Variants in ENPP1 observed in about 807,000 individuals in gnomAD.
The protein encoded by ENPP1 is ectonucleotide pyrophosphatase/phosphodiesterase 1, also known as ectonucleotide pyrophosphatase/phosphodiesterase family member 1.
A neutral mutation model predicts 122.8 loss-of-function variants in ENPP1; 73 were observed. That is an observed-to-expected ratio of 0.59 (90% CI 0.49 to 0.72). The LOEUF (loss-of-function observed/expected upper bound fraction) is 0.72, where lower values mean the gene tolerates loss of function less well. Among genes scored for constraint, ENPP1 ranks in the 30% least tolerant of loss-of-function variants. The pLI, the probability that ENPP1 is intolerant of heterozygous loss-of-function variation, is 0.00. For missense variants in ENPP1, 978 were observed against 1,128.1 expected (o/e 0.87, Z 1.91); for synonymous variants, 367 against 391.6 (o/e 0.94, Z 0.74).
At chr6:131,876,478 TA>T (rs1394003199) in intron 17 of ENPP1, among the ~76,000 whole-genome samples, 3 of 152,202 alleles carry the variant, frequency 2.0e-5, no homozygotes, top group East Asian at 1.9e-4. Context: ...TAATGTATCC[TA>T]AAATACTTAA....
chr6:131,870,954 C>T (rs67025760), intron 13 of ENPP1, among the ~76,000 whole-genome samples: 5,366 of 152,088 alleles, frequency 0.035, 130 homozygotes, highest in African/African-American at 0.055. Flanking sequence ...CATGTGCCTG[C>T]AATCTCAGCT....
chr6:131,873,093 T>C (rs756833875), intron 15 of ENPP1, 43 bp downstream of exon 15: 1 of 1,610,818 alleles, frequency 6.2e-7, no homozygotes, highest in East Asian at 2.2e-5. Context: ...TCTGATCGGT[T>C]AGTGATTCAG....
chr6:131,850,109 A>G lies in ENPP1; in HGVS notation c.430+3A>G, dbSNP rs1228035722. 12 of 1,580,912 alleles carry G rather than the reference A, an allele frequency of 7.6e-6. No individual in the cohort carries two copies. The highest frequency in any genetic ancestry group is 1.1e-5 in the South Asian group (1 of 90,376). ...CCAGGAGACGTGCATAGAACCAGGTAAGGATGAGCAGGGAAAAAAGTGGAG... is the reference window on the plus strand; with the variant it reads ...CCAGGAGACGTGCATAGAACCAGGTGAGGATGAGCAGGGAAAAAAGTGGAG... On this transcript the variant is annotated splice_donor_region_variant and intron_variant, in intron 3 of 24. Transcript: ENST00000647893.
At chr6:131,851,655 A>G (rs111664596) in intron 4 of ENPP1, among the ~76,000 whole-genome samples, 5 of 152,314 alleles carry the variant, frequency 3.3e-5, no homozygotes, top group African/African-American at 1.2e-4. Context: ...CTCCTAGTAA[A>G]TGGGGACACT....
Position 131,878,522 on chromosome 6 carries a change from A to G in ENPP1, c.1894-20A>G. 6.4e-7 allele frequency: 1 copy of G among 1,550,692 alleles called. No individual in the cohort carries two copies. Among genetic ancestry groups the G allele is most frequent in the Non-Finnish European group, 8.9e-7 (1 of 1,122,962 alleles). On this transcript the variant is annotated intron_variant, in intron 18 of 24. Transcript: ENST00000647893. Reference sequence around the variant, plus strand: ...AACATGTCTCTCAGTCCTTAAAAATAGTTTTATAACCTTTTTTAGATTTTG... The same window carrying G: ...AACATGTCTCTCAGTCCTTAAAAATGGTTTTATAACCTTTTTTAGATTTTG...
intron 20 of ENPP1, 83 bp downstream of exon 20, chr6:131,880,117 C>T: frequency 2.2e-6 from 3 of 1,386,732 alleles, no homozygotes; most frequent in Non-Finnish European, 3.1e-6. Context: ...TCTCACTGTT[C>T]ACCTTGGCTT....
chr6:131,868,977 C>T (rs1782123406), intron 12 of ENPP1, among the ~76,000 whole-genome samples: 2 of 152,054 alleles, frequency 1.3e-5, no homozygotes, highest in African/African-American at 4.8e-5. Flanking sequence ...AAGTTACATG[C>T]AAAGAAGTAC....
Position 131,884,968 on chromosome 6 carries a change from G to A in ENPP1, c.2349G>A (p.Lys783=), listed in dbSNP as rs1782357270. 1 of 1,613,974 alleles carries A rather than the reference G, an allele frequency of 6.2e-7. No individual in the cohort carries two copies. The highest frequency in any genetic ancestry group is 1.7e-5 in the Admixed American group (1 of 60,006). ...ACTTTCATGACACCCTACTGCGAAA[G>A]TATGCTGAAGAAAGAAATGGTGTCA... ...WRYFHDTLLR[K]YAEERNGVNV... Residue 783 remains lysine (K), a synonymous_variant, in exon 23 of 25, where the codon AAG becomes AAA. Coordinates refer to ENST00000647893, the MANE Select transcript of ENPP1 (RefSeq NM_006208.3).
chr6:131,870,753 A>T (rs1157802262), intron 13 of ENPP1, among the ~76,000 whole-genome samples: 1 of 152,218 alleles, frequency 6.6e-6, no homozygotes, highest in Non-Finnish European at 1.5e-5. Flanking sequence ...GAAAAGTAGT[A>T]CATGACTGTT....
rs557181058 is a variant in ENPP1 at position 131,881,677 on chromosome 6, T to A, written c.2101-668T>A. 2.1e-4 allele frequency among the ~76,000 whole-genome samples: 32 copies of A among 151,826 alleles called. 1 individual carries two copies. In the East Asian group the frequency reaches 4.8e-3, roughly 23 times the overall value. On this transcript the variant is annotated intron_variant, in intron 20 of 24. Transcript: ENST00000647893. ...GGAGGGCAGATCACGAGGTCAGGAGTTCGAGACCATCCTGGCTAACATGGT... is the reference window on the plus strand; with the variant it reads ...GGAGGGCAGATCACGAGGTCAGGAGATCGAGACCATCCTGGCTAACATGGT...
At chr6:131,837,926 T>G (rs1781697435) in intron 1 of ENPP1, among the ~76,000 whole-genome samples, 1 of 152,180 alleles carries the variant, frequency 6.6e-6, no homozygotes, top group Admixed American at 6.5e-5. Flanking sequence ...AAATTTTATT[T>G]TTTTACTTTC....
chr6:131,851,352 G>C lies in ENPP1; in HGVS notation c.556+85G>C, dbSNP rs1026190656. On this transcript the variant is annotated intron_variant, in intron 4 of 24. Transcript: ENST00000647893. ...TACATAGGTGTTATCTTTTATATTAGGAGTCATGGCTATTGGCCAACTATA... is the reference window on the plus strand; with the variant it reads ...TACATAGGTGTTATCTTTTATATTACGAGTCATGGCTATTGGCCAACTATA... The C allele has an allele frequency of 4.5e-6, 7 of 1,570,986 alleles. No individual in the cohort carries two copies. In the Admixed American group the frequency reaches 1.2e-4, roughly 26 times the overall value.
At position 131,875,893 on chromosome 6, in the gene ENPP1, T is replaced by C. The variant is rs770443766; in HGVS notation, c.1723+30T>C. On this transcript the variant is annotated intron_variant, in intron 17 of 24. Coordinates refer to ENST00000647893, the MANE Select transcript of ENPP1 (RefSeq NM_006208.3). ...GTGTGAACAGGTGCCTTTTTTCCCTTCTGAAAATAGACCTGAAATAGGATT... is the reference window on the plus strand; with the variant it reads ...GTGTGAACAGGTGCCTTTTTTCCCTCCTGAAAATAGACCTGAAATAGGATT... 3.9e-6 allele frequency: 6 copies of C among 1,536,232 alleles called. No homozygotes were observed. The Admixed American group carries it at 1.0e-4, about 26-fold the overall frequency.
chr6:131,810,086 CG>C (rs1197429801), intron 1 of ENPP1, among the ~76,000 whole-genome samples: 9 of 152,190 alleles, frequency 5.9e-5, no homozygotes, highest in African/African-American at 2.2e-4. Flanking sequence ...AGACCTGGTG[CG>C]GTGACTCATA....
chr6:131,880,202 C>T (rs1324611123), intron 20 of ENPP1, among the ~76,000 whole-genome samples, 168 bp downstream of exon 20: 1 of 152,184 alleles, frequency 6.6e-6, no homozygotes, highest in East Asian at 1.9e-4. Flanking sequence ...AGCTCTGCCA[C>T]TGAGCAGCTG....
At chr6:131,846,621 A>G (rs1562518578) in intron 1 of ENPP1, among the ~76,000 whole-genome samples, 1 of 152,194 alleles carries the variant, frequency 6.6e-6, no homozygotes, top group Non-Finnish European at 1.5e-5. Flanking sequence ...GGCCTACCAA[A>G]TATGGGCCAC....
At chr6:131,845,959 A>G (rs1781804784) in intron 1 of ENPP1, among the ~76,000 whole-genome samples, 1 of 152,160 alleles carries the variant, frequency 6.6e-6, no homozygotes, top group Admixed American at 6.5e-5. Context: ...ATCCTTAAAG[A>G]AGGCTAACCT....
rs1453564855 is a variant in ENPP1, at chr6:131,872,096, C to T, written c.1432C>T (p.Leu478Phe). The change falls in exon 14 of 25, where the codon CTT (leucine) becomes TTT (phenylalanine). Residue 478 changes from leucine to phenylalanine, a missense_variant. By Grantham distance (22) the Leu-to-Phe change is conservative (BLOSUM62 0). Transcript: ENST00000647893. ...SFNYEGIARN[L>F]SCREPNQHFK... ...TAACTATGAAGGCATTGCCCGAAAT[C>T]TTTCTGTGAGTATCTTTATTTTCCA... 6.3e-7 allele frequency: 1 copy of T among 1,586,580 alleles called. No homozygotes were observed. Among genetic ancestry groups the T allele is most frequent in the East Asian group, 2.2e-5 (1 of 44,652 alleles).
At chr6:131,832,777 C>T (rs752705356) in intron 1 of ENPP1, among the ~76,000 whole-genome samples, 1 of 152,184 alleles carries the variant, frequency 6.6e-6, no homozygotes, top group African/African-American at 2.4e-5. Flanking sequence ...AGGGCCTCCC[C>T]ATGTGGTCTC....
Sources: allele counts gnomAD v4.1 joint callset (sites outside exome capture counted in the v4.1 genomes callset), GRCh38; gene constraint gnomAD v4.1.1; transcripts MANE v1.5; gene names NCBI Gene and HGNC (gene_info 2026-07-23, HGNC 2026-07-21).